SUMF1: variants seen among roughly 807,000 people sequenced by gnomAD.
SUMF1 encodes the protein formylglycine-generating enzyme.
Under a neutral mutation model 47.6 loss-of-function variants are expected in SUMF1, and 48 were observed. That is an observed-to-expected ratio of 1.01 (90% CI 0.80 to 1.28). The LOEUF is 1.28. SUMF1 is among the 50% of genes most tolerant of loss of function. The pLI is 0.00. For synonymous variants in SUMF1, 230 were observed against 192.1 expected (o/e 1.20, Z -1.63); for missense variants, 571 against 485.4 (o/e 1.18, Z -1.66).
intron 8 of SUMF1, among the ~76,000 whole-genome samples, chr3:4,258,139 G>A (rs1209293283): frequency 6.7e-6 from 1 of 149,640 alleles, no homozygotes; most frequent in Non-Finnish European, 1.5e-5. Flanking sequence ...TTAAACGTTA[G>A]ACCTAAAACC....
chr3:4,385,421 ATCT>A (rs1184011032), intron 7 of SUMF1, among the ~76,000 whole-genome samples: 1 of 152,046 alleles, frequency 6.6e-6, no homozygotes, highest in African/African-American at 2.4e-5. Flanking sequence ...CCATCTGTGT[ATCT>A]TCTTCTGTGG....
chr3:4,458,779 C>T (rs1049272282), intron 1 of SUMF1, among the ~76,000 whole-genome samples: 4 of 152,090 alleles, frequency 2.6e-5, no homozygotes, highest in African/African-American at 9.7e-5. Context: ...TGGCGTGAAC[C>T]TGGGAGGCGG....
At chr3:4,312,956 T>C (rs1324077132) in intron 8 of SUMF1, 2 of 1,613,956 alleles carry the variant, frequency 1.2e-6, no homozygotes, top group Non-Finnish European at 8.5e-7. Context: ...CAAATAACCT[T>C]TCCCGGATGC....
At chr3:4,449,627 TC>T (rs1702902845) in intron 2 of SUMF1, among the ~76,000 whole-genome samples, 1 of 152,192 alleles carries the variant, frequency 6.6e-6, no homozygotes, top group African/African-American at 2.4e-5. Context: ...GAAATACATT[TC>T]CCCAAGTATC....
At chr3:4,036,281 C>A (rs964244375) in intron 9 of SUMF1, among the ~76,000 whole-genome samples, 15 of 152,118 alleles carry the variant, frequency 9.9e-5, no homozygotes, top group African/African-American at 3.6e-4. Flanking sequence ...AGAATGTAAA[C>A]AAAGTACTTT....
At chr3:4,260,909 G>A (rs1385932701) in intron 8 of SUMF1, among the ~76,000 whole-genome samples, 1 of 152,084 alleles carries the variant, frequency 6.6e-6, no homozygotes, top group African/African-American at 2.4e-5. Context: ...GCAAGGTAAC[G>A]AATTCTCCTG....
chr3:4,097,162 G>T (rs1389556044), intron 8 of SUMF1, among the ~76,000 whole-genome samples: 4 of 152,106 alleles, frequency 2.6e-5, no homozygotes, highest in Non-Finnish European at 5.9e-5. Context: ...CCAACAGAGG[G>T]ATCATAGAAG....
chr3:4,250,720 T>G (rs1351012357), intron 8 of SUMF1, among the ~76,000 whole-genome samples: 1 of 152,164 alleles, frequency 6.6e-6, no homozygotes, highest in Non-Finnish European at 1.5e-5. Context: ...CCCTTAAGAA[T>G]TATGCTAATT....
chr3:4,152,860 C>G (rs1168658113), intron 8 of SUMF1, among the ~76,000 whole-genome samples: 1 of 151,472 alleles, frequency 6.6e-6, no homozygotes, highest in South Asian at 2.1e-4. Context: ...TACTGATGGA[C>G]TCATGGATAG....
chr3:4,379,583 G>C (rs960423422), intron 7 of SUMF1, among the ~76,000 whole-genome samples: 1 of 152,202 alleles, frequency 6.6e-6, no homozygotes, highest in African/African-American at 2.4e-5. Context: ...AAGAGTGGGA[G>C]GCTGAGGCCA....
At chr3:4,387,336 T>G in intron 7 of SUMF1, among the ~76,000 whole-genome samples, 1 of 152,078 alleles carries the variant, frequency 6.6e-6, no homozygotes, top group Middle Eastern at 3.2e-3. Flanking sequence ...TTGGAGTTTT[T>G]TGAGGAAGTG....
intron 3 of SUMF1, among the ~76,000 whole-genome samples, chr3:4,431,042 G>C (rs182666499): frequency 1.3e-5 from 2 of 152,284 alleles, no homozygotes; most frequent in East Asian, 3.9e-4. Flanking sequence ...CCCCTCTATA[G>C]TGTCTCTAGG....
rs73119841 is a variant in SUMF1, at chr3:4,071,969, G to T, written c.1015-3224C>A. Among the ~76,000 whole-genome samples, 938 of 152,270 alleles carry T rather than the reference G, an allele frequency of 6.2e-3. 13 individuals carry two copies. Among genetic ancestry groups the T allele is most frequent in the African/African-American group, 0.017 (715 of 41,550 alleles). On this transcript the variant is annotated intron_variant and NMD_transcript_variant, in intron 8 of 12. Coordinates refer to the SUMF1 transcript ENST00000448413. ...TAATGAACAGACTGCCTTGTCAAGT[G>T]GGTCCCTGACCCCTGTGTACCTGAC...
intron 9 of SUMF1, among the ~76,000 whole-genome samples, chr3:4,057,404 A>G (rs77182728): frequency 6.9e-6 from 1 of 144,406 alleles, no homozygotes; most frequent in Non-Finnish European, 1.5e-5. Flanking sequence ...TTGGCAAAAA[A>G]CCGCAAAAGG....
chr3:4,245,632 C>T (rs1302203982), intron 8 of SUMF1, among the ~76,000 whole-genome samples: 1 of 152,100 alleles, frequency 6.6e-6, no homozygotes, highest in East Asian at 1.9e-4. Flanking sequence ...GAGGGTCACC[C>T]ACCTGTATGA....
chr3:4,335,159 G>GA (rs199601383), intron 8 of SUMF1, among the ~76,000 whole-genome samples: 1,810 of 152,180 alleles, frequency 0.012, 13 homozygotes, highest in Middle Eastern at 0.031. Context: ...AACAAAAACA[G>GA]AAAAAAGTGA....
chr3:4,207,850 G>A (rs113009403), intron 8 of SUMF1, among the ~76,000 whole-genome samples: 177 of 152,250 alleles, frequency 1.2e-3, no homozygotes, highest in African/African-American at 3.8e-3. Flanking sequence ...TGCAGAACCA[G>A]TGCCCAGATA....
At chr3:4,297,181 T>A (rs1697870018) in intron 8 of SUMF1, among the ~76,000 whole-genome samples, 1 of 151,860 alleles carries the variant, frequency 6.6e-6, no homozygotes, top group Admixed American at 6.6e-5. Flanking sequence ...TTTTAGGAGA[T>A]CACTGTGTAA....
intron 7 of SUMF1, among the ~76,000 whole-genome samples, chr3:4,392,613 GTGTATATATATA>G (rs1356199648): frequency 5.1e-3 from 394 of 77,832 alleles, no homozygotes; most frequent in Non-Finnish European, 0.012. Flanking sequence ...GTGTGTGTGT[GTGTATATATATA>G]TATATATATA....
Sources: gnomAD v4.1 joint callset for allele counts (sites outside exome capture counted in the v4.1 genomes callset) on GRCh38, gnomAD v4.1.1 for gene constraint, MANE v1.5 for transcripts, NCBI Gene and HGNC (gene_info 2026-07-23, HGNC 2026-07-21) for gene names.